Variants in SLC39A8 observed in about 807,000 individuals in gnomAD.
The protein encoded by SLC39A8 is solute carrier family 39 member 8.
Under a neutral mutation model 40.4 loss-of-function variants are expected in SLC39A8, and 15 were observed. The observed-to-expected ratio is 0.37, with a 90% CI of 0.25 to 0.57. The LOEUF is 0.57. SLC39A8 is among the 20% of genes least tolerant of loss of function. The pLI is 0.75. For missense variants in SLC39A8, 472 were observed against 558.8 expected (o/e 0.84, Z 1.57); for synonymous variants, 223 against 221.6 (o/e 1.01, Z -0.06).
At chr4:102,312,545 T>C (rs927749627) in intron 3 of SLC39A8, among the ~76,000 whole-genome samples, 12 of 152,074 alleles carry the variant, frequency 7.9e-5, no homozygotes, top group African/African-American at 2.9e-4. Context: ...TATGAGTAAT[T>C]AACTTGCACA....
intron 6 of SLC39A8, among the ~76,000 whole-genome samples, chr4:102,300,325 CAT>C (rs1399354869): frequency 4.6e-5 from 7 of 152,122 alleles, no homozygotes; most frequent in Middle Eastern, 3.4e-3. Flanking sequence ...AAAATAAAAA[CAT>C]ATGTGTAAAA....
chr4:102,276,803 C>T (rs1279001420), intron 6 of SLC39A8, among the ~76,000 whole-genome samples: 4 of 152,170 alleles, frequency 2.6e-5, no homozygotes, highest in African/African-American at 7.2e-5. Flanking sequence ...ATCAAGTAGG[C>T]TTCATCCCTG....
intron 6 of SLC39A8, among the ~76,000 whole-genome samples, chr4:102,295,427 G>T (rs1733638772): frequency 6.6e-6 from 1 of 152,052 alleles, no homozygotes; most frequent in African/African-American, 2.4e-5. Flanking sequence ...ACACCCATAA[G>T]AAACTGACTG....
chr4:102,307,646 C>T, intron 3 of SLC39A8, 41 bp from the exon 4 acceptor site: 1 of 1,576,404 alleles, frequency 6.3e-7, no homozygotes, highest in Non-Finnish European at 8.6e-7. Context: ...TTAATCAGAG[C>T]AAGGAACCAA....
chr4:102,274,204 A>C (rs191131671), intron 6 of SLC39A8, among the ~76,000 whole-genome samples: 43 of 152,368 alleles, frequency 2.8e-4, no homozygotes, highest in Admixed American at 5.2e-4. Flanking sequence ...GAACCTTGAA[A>C]AAAAAGTTAG....
chr4:102,295,139 TTA>T (rs948715931), intron 6 of SLC39A8, among the ~76,000 whole-genome samples: 1 of 148,030 alleles, frequency 6.8e-6, no homozygotes, highest in African/African-American at 2.4e-5. Flanking sequence ...ATATAAAACT[TTA>T]TATATGTGTT....
intron 2 of SLC39A8, among the ~76,000 whole-genome samples, chr4:102,331,632 C>G (rs2149051653): frequency 6.6e-6 from 1 of 152,282 alleles, no homozygotes; most frequent in East Asian, 1.9e-4. Context: ...ATCAAGCTGC[C>G]ATTTACTTTC....
intron 2 of SLC39A8, among the ~76,000 whole-genome samples, chr4:102,319,424 C>T (rs1734806642): frequency 2.0e-5 from 3 of 151,946 alleles, no homozygotes; most frequent in Admixed American, 1.3e-4. Flanking sequence ...CAGGCCTCGA[C>T]CCTAGCATCC....
intron 6 of SLC39A8, among the ~76,000 whole-genome samples, chr4:102,282,607 T>A: frequency 9.6e-6 from 1 of 104,428 alleles, no homozygotes; most frequent in East Asian, 2.6e-4. Flanking sequence ...ATATTATTTT[T>A]AATTAAATGG....
At chr4:102,299,426 G>A (rs765353717) in intron 6 of SLC39A8, among the ~76,000 whole-genome samples, 5 of 151,916 alleles carry the variant, frequency 3.3e-5, no homozygotes, top group Admixed American at 6.6e-5. Context: ...GTTACTTCTT[G>A]AAAACTGCTC....
chr4:102,294,615 G>C (rs1024824840), intron 6 of SLC39A8, among the ~76,000 whole-genome samples: 2 of 151,898 alleles, frequency 1.3e-5, no homozygotes, highest in Admixed American at 6.6e-5. Context: ...ATGCCAACCT[G>C]TCTTTACTTT....
intron 3 of SLC39A8, among the ~76,000 whole-genome samples, chr4:102,307,905 A>G (rs749718778): frequency 6.6e-6 from 1 of 151,980 alleles, no homozygotes; most frequent in African/African-American, 2.4e-5. Context: ...GCGACAAACA[A>G]TCTGAGATCC....
In SLC39A8 at chr4:102,262,526, T is replaced by C; in HGVS notation, c.*518A>G. ...GAACAAAAAGCTGTGAGAAATCTTTTTTTTCTTTGGCTCCTTAAAGACTTG... is the reference window on the plus strand; with the variant it reads ...GAACAAAAAGCTGTGAGAAATCTTTCTTTTCTTTGGCTCCTTAAAGACTTG... On this transcript the variant is annotated 3_prime_UTR_variant, in exon 9 of 9. Transcript: ENST00000356736. 18 of 985,442 alleles carry C rather than the reference T, an allele frequency of 1.8e-5. No individual in the cohort carries two copies. The highest frequency in any genetic ancestry group is 2.2e-5 in the Non-Finnish European group (18 of 829,792). The allele number at this position is 985,442 out of a possible 1,614,324, so 61.0% of individuals were successfully genotyped here.
chr4:102,334,678 C>A (rs1735596777), intron 2 of SLC39A8, among the ~76,000 whole-genome samples: 1 of 152,164 alleles, frequency 6.6e-6, no homozygotes, highest in African/African-American at 2.4e-5. Flanking sequence ...TTGGATGACA[C>A]AAGAGGCACT....
At chr4:102,302,338 T>C (rs1733956779) in intron 6 of SLC39A8, among the ~76,000 whole-genome samples, 1 of 152,012 alleles carries the variant, frequency 6.6e-6, no homozygotes, top group South Asian at 2.1e-4. Flanking sequence ...CTGGCACCTC[T>C]TGAATGACTT....
At chr4:102,319,689 T>G (rs1251710602) in intron 2 of SLC39A8, among the ~76,000 whole-genome samples, 3 of 152,150 alleles carry the variant, frequency 2.0e-5, no homozygotes. Flanking sequence ...TATTTGGAGT[T>G]GAGCCAAGTT....
At chr4:102,305,806 A>T (rs1330794602) in intron 4 of SLC39A8, among the ~76,000 whole-genome samples, 1 of 152,008 alleles carries the variant, frequency 6.6e-6, no homozygotes, top group African/African-American at 2.4e-5. Context: ...AGATGTTCCT[A>T]ACAGACAAGA....
intron 6 of SLC39A8, among the ~76,000 whole-genome samples, chr4:102,291,900 T>A (rs1305460613): frequency 1.3e-5 from 2 of 151,862 alleles, no homozygotes; most frequent in Non-Finnish European, 2.9e-5. Context: ...ATTTCCTTCT[T>A]TTTAAAGGCT....
At chr4:102,261,621 A>T, downstream of SLC39A8, 1 of 784,704 alleles carries the variant, frequency 1.3e-6, no homozygotes, top group Non-Finnish European at 1.5e-6. Context: ...GATACATGGT[A>T]GTCACTCAAC....
Sources: allele counts gnomAD v4.1 joint callset (sites outside exome capture counted in the v4.1 genomes callset), GRCh38; gene constraint gnomAD v4.1.1; transcripts MANE v1.5; gene names NCBI Gene and HGNC (gene_info 2026-07-23, HGNC 2026-07-21).